The following LPP variants were observed in gnomAD, a reference collection of about 807,000 sequenced individuals.
The protein encoded by LPP is lipoma-preferred partner.
In LPP, 38 loss-of-function variants were observed where a neutral mutation model predicts 60.4. The observed-to-expected ratio is 0.63, with a 90% confidence interval of 0.49 to 0.83. The LOEUF (loss-of-function observed/expected upper bound fraction) is 0.83. Among genes scored for constraint, LPP ranks in the 40% least tolerant of loss-of-function variants. The probability of loss-of-function intolerance (pLI) is 0.00; values close to 1 mark genes in which losing one functional copy is unlikely to be tolerated. For synonymous variants in LPP, 328 were observed against 290.8 expected (o/e 1.13, Z -1.30); for missense variants, 902 against 783.6 (o/e 1.15, Z -1.80).
At chr3:188,852,626 T>A (rs1220658817) in intron 9 of LPP, among the ~76,000 whole-genome samples, 1 of 152,214 alleles carries the variant, frequency 6.6e-6, no homozygotes, top group Admixed American at 6.5e-5. Context: ...CTTGACCTTC[T>A]GCCTTCTGCC....
In LPP at chr3:188,884,602, T is replaced by G. The variant is rs1221110619; in HGVS notation, c.*10123T>G. 1 of 230,284 alleles carries G rather than the reference T, an allele frequency of 4.3e-6. No homozygotes were observed. The highest frequency in any genetic ancestry group is 8.6e-6 in the Non-Finnish European group (1 of 116,226). 14.3% of individuals were successfully genotyped at this position (230,284 alleles called of 1,614,324 possible). ...TTTCCCCAGAGAGAGTTCCTTTACA[T>G]TCCATTCACCAAAAACCTCTCTGGA... On this transcript the variant is annotated 3_prime_UTR_variant, in exon 12 of 12. Coordinates refer to ENST00000617246, the MANE Select transcript of LPP (RefSeq NM_001375462.1).
chr3:188,374,586 T>C (rs1410165101), intron 3 of LPP, among the ~76,000 whole-genome samples: 5 of 152,226 alleles, frequency 3.3e-5, no homozygotes, highest in Non-Finnish European at 7.3e-5. Context: ...AAGTTGCTTA[T>C]CAGCTTGAGG....
chr3:188,485,411 A>G (rs1806072176), intron 5 of LPP, among the ~76,000 whole-genome samples: 1 of 152,218 alleles, frequency 6.6e-6, no homozygotes, highest in African/African-American at 2.4e-5. Context: ...AATTATTGTT[A>G]TAGTTTTAGG....
intron 3 of LPP, among the ~76,000 whole-genome samples, chr3:188,366,246 C>T (rs991921121): frequency 1.3e-5 from 2 of 152,210 alleles, no homozygotes; most frequent in Admixed American, 6.5e-5. Flanking sequence ...TAACATTCCA[C>T]GTGGTAATAC....
intron 8 of LPP, among the ~76,000 whole-genome samples, chr3:188,727,796 G>A (rs1317482930): frequency 6.6e-6 from 1 of 152,122 alleles, no homozygotes; most frequent in Admixed American, 6.5e-5. Flanking sequence ...TTGAGTCTTA[G>A]GCAGTTCAGT....
At chr3:188,383,664 C>G (rs1425489752) in intron 3 of LPP, among the ~76,000 whole-genome samples, 1 of 152,130 alleles carries the variant, frequency 6.6e-6, no homozygotes, top group Non-Finnish European at 1.5e-5. Flanking sequence ...TTCCTTCTTC[C>G]TTTTCAGCCA....
chr3:188,630,312 A>T (rs928738285), intron 7 of LPP, among the ~76,000 whole-genome samples: 11 of 152,216 alleles, frequency 7.2e-5, no homozygotes, highest in African/African-American at 2.7e-4. Flanking sequence ...GGCAAAGGAC[A>T]TGAACAGACA....
At chr3:188,621,261 A>T (rs1389454855) in intron 7 of LPP, among the ~76,000 whole-genome samples, 1 of 152,106 alleles carries the variant, frequency 6.6e-6, no homozygotes, top group African/African-American at 2.4e-5. Flanking sequence ...TACATGGGTA[A>T]TTGGACCCAG....
chr3:188,714,050 T>G (rs535233848), intron 8 of LPP, among the ~76,000 whole-genome samples: 77 of 152,300 alleles, frequency 5.1e-4, no homozygotes, highest in African/African-American at 1.8e-3. Flanking sequence ...CTGGCAGACC[T>G]GGCGATGATG....
intron 6 of LPP, among the ~76,000 whole-genome samples, chr3:188,551,020 A>T (rs1389545994): frequency 3.3e-5 from 5 of 152,202 alleles, no homozygotes; most frequent in African/African-American, 7.2e-5. Context: ...TATATAAAAA[A>T]GTAGTGCCCA....
chr3:188,451,648 AAGGG>A (rs1427724150), intron 4 of LPP, among the ~76,000 whole-genome samples: 1 of 152,168 alleles, frequency 6.6e-6, no homozygotes, highest in Admixed American at 6.6e-5. Flanking sequence ...GAGTGCTACA[AAGGG>A]AAAGGAGAAG....
At chr3:188,276,508 G>A (rs1036586367) in intron 2 of LPP, among the ~76,000 whole-genome samples, 6 of 152,150 alleles carry the variant, frequency 3.9e-5, no homozygotes, top group Non-Finnish European at 5.9e-5. Context: ...ATTTGTCCCC[G>A]TCCAAATCTC....
chr3:188,463,093 A>T (rs1203351281), intron 4 of LPP, among the ~76,000 whole-genome samples: 1 of 152,178 alleles, frequency 6.6e-6, no homozygotes, highest in East Asian at 1.9e-4. Flanking sequence ...AGGCAGAGCA[A>T]GACTGTCTCC....
chr3:188,717,371 T>C (rs2149815154), intron 8 of LPP, among the ~76,000 whole-genome samples: 1 of 152,380 alleles, frequency 6.6e-6, no homozygotes, highest in South Asian at 2.1e-4. Context: ...ATTTCATAGT[T>C]TGTGTTATTA....
Position 188,555,359 on chromosome 3 carries a change from T to A in LPP, c.429+30572T>A, listed in dbSNP as rs565697098. The stretch of plus-strand genomic sequence containing the variant: ...TTGGAGTCACATTATCAGGCTTATG[T>A]TAAGGATCACTCAGGCAGCTTTCTG... On this transcript the variant is annotated intron_variant, in intron 6 of 11. Transcript: ENST00000617246. Among the ~76,000 whole-genome samples, 103 of 152,210 alleles carry A rather than the reference T, an allele frequency of 6.8e-4. 2 individuals carry two copies. Among genetic ancestry groups the A allele is most frequent in the African/African-American group, 2.3e-3 (97 of 41,558 alleles).
chr3:188,252,344 C>T (rs1730140350), intron 2 of LPP, among the ~76,000 whole-genome samples: 1 of 125,426 alleles, frequency 8.0e-6, no homozygotes, highest in Non-Finnish European at 1.7e-5. Context: ...CCCTCCCTTT[C>T]CCCCTTCTTC....
chr3:188,734,376 CTG>C (rs1447103552), intron 8 of LPP, among the ~76,000 whole-genome samples: 12 of 152,320 alleles, frequency 7.9e-5, no homozygotes, highest in African/African-American at 2.9e-4. Flanking sequence ...AAATTCCTGA[CTG>C]AGCATTATGA....
Position 188,219,160 on chromosome 3 carries a change from A to C in LPP, c.-189-6245A>C, listed in dbSNP as rs551644065. ...TTAATCTCACAACTTGATTGTTCTC[A>C]CAAGAACCTAGCTGTATACATATTA... On this transcript the variant is annotated intron_variant, in intron 1 of 11. Transcript: ENST00000617246. 3.3e-5 allele frequency among the ~76,000 whole-genome samples: 5 copies of C among 152,226 alleles called. No homozygotes were observed. In the East Asian group the frequency reaches 9.7e-4, roughly 29 times the overall value.
chr3:188,512,667 G>A (rs1816148029), intron 5 of LPP, among the ~76,000 whole-genome samples: 1 of 152,100 alleles, frequency 6.6e-6, no homozygotes, highest in Non-Finnish European at 1.5e-5. Context: ...TATGGAATAT[G>A]GGACATGGGA....
Sources: gnomAD v4.1 joint callset for allele counts (sites outside exome capture counted in the v4.1 genomes callset) on GRCh38, gnomAD v4.1.1 for gene constraint, MANE v1.5 for transcripts, NCBI Gene and HGNC (gene_info 2026-07-23, HGNC 2026-07-21) for gene names.